LRP1B: variants seen among roughly 807,000 people sequenced by gnomAD.
LRP1B encodes the protein low-density lipoprotein receptor-related protein 1B.
A neutral mutation model predicts 556.6 loss-of-function variants in LRP1B; 217 were observed. That is an observed-to-expected ratio of 0.39 (90% CI 0.35 to 0.44). LRP1B has a LOEUF of 0.44. LRP1B is among the 20% of genes least tolerant of loss of function. The pLI is 1.00. For synonymous variants in LRP1B, 2,047 were observed against 1,865.8 expected (o/e 1.10, Z -2.50); for missense variants, 5,053 against 5,620.8 (o/e 0.90, Z 3.23).
At chr2:140,596,244 A>AC (rs1250592091) in intron 43 of LRP1B, among the ~76,000 whole-genome samples, 1 of 152,140 alleles carries the variant, frequency 6.6e-6, no homozygotes, top group Non-Finnish European at 1.5e-5. Context: ...AGCTTTGATG[A>AC]CCCCAGCTTC....
At chr2:141,693,683 C>A (rs936246636) in intron 2 of LRP1B, among the ~76,000 whole-genome samples, 1 of 151,998 alleles carries the variant, frequency 6.6e-6, no homozygotes, top group Non-Finnish European at 1.5e-5. Context: ...ACAGACAGAT[C>A]ATTTGTTTAT....
chr2:141,512,411 A>G (rs934654328), intron 2 of LRP1B, among the ~76,000 whole-genome samples: 1 of 152,072 alleles, frequency 6.6e-6, no homozygotes, highest in African/African-American at 2.4e-5. Context: ...GACCTTATAC[A>G]CATAACTTCT....
intron 2 of LRP1B, among the ~76,000 whole-genome samples, chr2:141,669,120 T>A (rs527492740): frequency 1.8e-4 from 27 of 151,130 alleles, no homozygotes; most frequent in Admixed American, 1.7e-3. Flanking sequence ...GATGGGGGCT[T>A]TGAAGAACCT....
chr2:141,688,373 A>G (rs527369551), intron 2 of LRP1B, among the ~76,000 whole-genome samples: 56 of 152,004 alleles, frequency 3.7e-4, no homozygotes, highest in African/African-American at 1.3e-3. Flanking sequence ...TCCTTACAAC[A>G]ACCCTAAAAT....
intron 77 of LRP1B, among the ~76,000 whole-genome samples, chr2:140,343,237 T>C (rs1003471058): frequency 1.3e-5 from 2 of 151,662 alleles, no homozygotes; most frequent in African/African-American, 4.8e-5. Context: ...AAAAGTTTAT[T>C]AGTATTTTGA....
intron 3 of LRP1B, among the ~76,000 whole-genome samples, chr2:141,379,877 A>G (rs2104884456): frequency 6.6e-6 from 1 of 152,314 alleles, no homozygotes; most frequent in South Asian, 2.1e-4. Flanking sequence ...GAAAGGGATT[A>G]GACTGAGGAT....
At chr2:140,433,204 T>A (rs1686028256) in intron 66 of LRP1B, among the ~76,000 whole-genome samples, 1 of 152,274 alleles carries the variant, frequency 6.6e-6, no homozygotes, top group Non-Finnish European at 1.5e-5. Flanking sequence ...GTGCAACAAT[T>A]CTTCTGTCTC....
chr2:140,367,170 TA>T (rs1682799990), intron 71 of LRP1B, among the ~76,000 whole-genome samples: 1 of 151,706 alleles, frequency 6.6e-6, no homozygotes, highest in African/African-American at 2.4e-5. Context: ...GTGAAGTTAT[TA>T]ATTAAGAGAG....
chr2:140,996,090 T>C (rs1484880800), intron 15 of LRP1B, among the ~76,000 whole-genome samples: 5 of 151,986 alleles, frequency 3.3e-5, no homozygotes, highest in Admixed American at 2.6e-4. Context: ...CCGGAATCCA[T>C]GAATCTGAGG....
intron 6 of LRP1B, among the ~76,000 whole-genome samples, chr2:141,214,690 T>TAA (rs1269878077): frequency 6.6e-6 from 1 of 152,216 alleles, no homozygotes; most frequent in Non-Finnish European, 1.5e-5. Context: ...AGATTTGCAT[T>TAA]AAGCTGTTCC....
At chr2:141,668,694 T>C (rs1690543994) in intron 2 of LRP1B, among the ~76,000 whole-genome samples, 1 of 152,172 alleles carries the variant, frequency 6.6e-6, no homozygotes, top group Admixed American at 6.5e-5. Flanking sequence ...AGTCCATGTA[T>C]AATCTGATTC....
chr2:141,812,111 A>C (rs891887494), intron 1 of LRP1B, among the ~76,000 whole-genome samples: 1 of 152,164 alleles, frequency 6.6e-6, no homozygotes, highest in Non-Finnish European at 1.5e-5. Flanking sequence ...TTTCCCCATC[A>C]AACAGTGGTG....
intron 2 of LRP1B, among the ~76,000 whole-genome samples, chr2:141,618,939 G>C (rs145069634): frequency 6.6e-6 from 1 of 152,272 alleles, no homozygotes; most frequent in African/African-American, 2.4e-5. Context: ...TTGGTAGCAA[G>C]ACAGAAACAA....
At chr2:140,862,736 T>TA (rs1291462159) in intron 27 of LRP1B, among the ~76,000 whole-genome samples, 5 of 152,198 alleles carry the variant, frequency 3.3e-5, no homozygotes, top group African/African-American at 1.2e-4. Context: ...AGATAGCTGG[T>TA]AAAATGTTAT....
intron 67 of LRP1B, among the ~76,000 whole-genome samples, chr2:140,381,886 A>G (rs1358583270): frequency 1.3e-5 from 2 of 148,692 alleles, no homozygotes; most frequent in Non-Finnish European, 3.0e-5. Context: ...AAAAAAAAAA[A>G]GAGGAGAAAA....
intron 2 of LRP1B, among the ~76,000 whole-genome samples, chr2:141,622,363 A>G (rs1034197239): frequency 2.3e-4 from 35 of 152,206 alleles, no homozygotes; most frequent in African/African-American, 8.2e-4. Flanking sequence ...AGACCTTAGA[A>G]TGGTACATTT....
At chr2:140,295,067 G>A (rs542770848) in intron 84 of LRP1B, among the ~76,000 whole-genome samples, 31 of 151,744 alleles carry the variant, frequency 2.0e-4, no homozygotes, top group South Asian at 4.2e-4. Context: ...TAGTAGAGAC[G>A]GCGTTTCACC....
At position 140,577,340 on chromosome 2, in the gene LRP1B, G is replaced by T. The variant is rs187815608; in HGVS notation, c.7194+21291C>A. On this transcript the variant is annotated intron_variant, in intron 43 of 90. Transcript: ENST00000389484. ...TCTACTAAAGATACAAAAATTAGCT[G>T]GGCCTGGTGGTGCGCACCTGTAGTC... Among the ~76,000 whole-genome samples, 260 of 151,930 alleles carry T rather than the reference G, an allele frequency of 1.7e-3. 3 individuals carry two copies. Among genetic ancestry groups the T allele is most frequent in the Admixed American group, 3.7e-3 (57 of 15,258 alleles).
Position 141,126,691 on chromosome 2 carries a change from C to T in LRP1B, c.1013+61730G>A, listed in dbSNP as rs1300010167. Among the ~76,000 whole-genome samples, 5 of 152,086 alleles carry T rather than the reference C, an allele frequency of 3.3e-5. No individual in the cohort carries two copies. The East Asian group carries it at 9.7e-4, about 29-fold the overall frequency. ...ACCCAAGATCATATCCAATCAGCCA[C>T]TCTTATGGTTACAATCAAAATTCTG... On this transcript the variant is annotated intron_variant, in intron 7 of 90. Transcript: ENST00000389484.
Sources: gnomAD v4.1 joint callset for allele counts (sites outside exome capture counted in the v4.1 genomes callset) on GRCh38, gnomAD v4.1.1 for gene constraint, MANE v1.5 for transcripts, NCBI Gene and HGNC (gene_info 2026-07-23, HGNC 2026-07-21) for gene names.